LAMA2: variants seen among roughly 807,000 people sequenced by gnomAD.
The protein encoded by LAMA2 is laminin subunit alpha-2.
Under a neutral mutation model 364.8 loss-of-function variants are expected in LAMA2, and 269 were observed. That is an observed-to-expected ratio of 0.74 (90% CI 0.67 to 0.82). The LOEUF (loss-of-function observed/expected upper bound fraction) is 0.82, where lower values mean the gene tolerates loss of function less well. Ranked by LOEUF, LAMA2 falls within the 40% of genes least tolerant of loss-of-function variation. LAMA2 has a pLI of 0.00. For missense variants in LAMA2, 3,807 were observed against 3,873.2 expected, an observed-to-expected ratio of 0.98 and a Z score of 0.45; for synonymous variants, 1,379 against 1,370.6, an observed-to-expected ratio of 1.01 and a Z score of -0.14.
At chr6:129,131,671 T>C (rs1179162431) in intron 4 of LAMA2, among the ~76,000 whole-genome samples, 1 of 152,196 alleles carries the variant, frequency 6.6e-6, no homozygotes. Flanking sequence ...CCTACAAAAC[T>C]AGTAAATAGA....
chr6:129,472,523 G>A (rs1457447966), intron 51 of LAMA2, among the ~76,000 whole-genome samples: 1 of 151,926 alleles, frequency 6.6e-6, no homozygotes, highest in Non-Finnish European at 1.5e-5. Context: ...GAACAGAGAA[G>A]TGCCTCATCT....
chr6:129,066,324 C>T (rs1187322969), intron 3 of LAMA2, among the ~76,000 whole-genome samples: 4 of 151,884 alleles, frequency 2.6e-5, no homozygotes, highest in Non-Finnish European at 5.9e-5. Flanking sequence ...GGATTACAGG[C>T]GTGAGCCACC....
Position 129,271,464 on chromosome 6 carries a change from CTT to C in LAMA2, c.2450+735_2450+736del, listed in dbSNP as rs11287525. Among the ~76,000 whole-genome samples the C allele has an allele frequency of 4.0e-3, 318 of 80,254 alleles. 3 individuals carry two copies. Among genetic ancestry groups the C allele is most frequent in the South Asian group, 0.019 (43 of 2,246 alleles). The allele number at this position is 80,254 out of a possible 152,430, so 52.6% of individuals were successfully genotyped here. On this transcript the variant is annotated intron_variant, in intron 17 of 64. Coordinates refer to ENST00000421865, the MANE Select transcript of LAMA2 (RefSeq NM_000426.4). ...GTTGTTTTGTTTTTAAATTGGGATACTTTTTTTTTTTTTTTTTTTTTTTGAGA... is the reference window on the plus strand; with the variant it reads ...GTTGTTTTGTTTTTAAATTGGGATACTTTTTTTTTTTTTTTTTTTTTGAGA...
chr6:129,473,378 A>G (rs777270253), intron 52 of LAMA2, 26 bp downstream of exon 52: 3 of 1,605,890 alleles, frequency 1.9e-6, no homozygotes, highest in East Asian at 4.5e-5. Flanking sequence ...TGTAAAGCTA[A>G]GGATTAAGTT....
chr6:129,492,278 C>A (rs367799209), intron 57 of LAMA2, 37 bp from the exon 58 acceptor site: 1 of 1,603,410 alleles, frequency 6.2e-7, no homozygotes, highest in South Asian at 1.1e-5. Flanking sequence ...AGCAAAAAAA[C>A]GAAAATAAAA....
intron 3 of LAMA2, among the ~76,000 whole-genome samples, chr6:129,088,010 G>T (rs1292914900): frequency 3.3e-5 from 4 of 122,720 alleles, no homozygotes; most frequent in Non-Finnish European, 5.3e-5. Context: ...GTGAACAAAG[G>T]TCTCTGGTTT....
chr6:128,981,884 T>A (rs1481422449), intron 1 of LAMA2, among the ~76,000 whole-genome samples: 1 of 152,190 alleles, frequency 6.6e-6, no homozygotes. Flanking sequence ...CATTCTCATC[T>A]CTTAATTGCT....
intron 4 of LAMA2, 134 bp from the exon 5 acceptor site, chr6:129,143,767 A>G: frequency 1.5e-6 from 1 of 661,024 alleles, no homozygotes; most frequent in Non-Finnish European, 2.7e-6. Context: ...ATGCCAGTGC[A>G]TAGGCATGTA....
At chr6:129,084,412 T>C (rs149814812) in intron 3 of LAMA2, among the ~76,000 whole-genome samples, 13 of 84,878 alleles carry the variant, frequency 1.5e-4, no homozygotes, top group African/African-American at 4.7e-4. Context: ...ACTTTAAGCA[T>C]GTGATACATT....
At chr6:128,896,065 T>C (rs1412972046) in intron 1 of LAMA2, among the ~76,000 whole-genome samples, 2 of 152,198 alleles carry the variant, frequency 1.3e-5, no homozygotes, top group Non-Finnish European at 2.9e-5. Context: ...TGCTCTGATT[T>C]CAGATGTATA....
At chr6:128,971,722 G>GAGCCTC (rs1250563976) in intron 1 of LAMA2, among the ~76,000 whole-genome samples, 10 of 152,178 alleles carry the variant, frequency 6.6e-5, no homozygotes, top group Non-Finnish European at 1.0e-4. Context: ...CTCTAAAGTT[G>GAGCCTC]AGCCTCAGAC....
chr6:129,200,253 T>TAC (rs369542490), intron 12 of LAMA2, among the ~76,000 whole-genome samples: 4,348 of 92,136 alleles, frequency 0.047, 918 homozygotes, highest in African/African-American at 0.083. Context: ...TGTATATATA[T>TAC]ACGTGTACAC....
intron 1 of LAMA2, among the ~76,000 whole-genome samples, chr6:128,934,663 A>G (rs988236051): frequency 4.6e-5 from 7 of 151,870 alleles, no homozygotes; most frequent in Admixed American, 3.3e-4. Flanking sequence ...CACCATGCCC[A>G]GCCAATTTTA....
At chr6:129,245,793 A>G (rs1033108161) in intron 12 of LAMA2, among the ~76,000 whole-genome samples, 2 of 152,186 alleles carry the variant, frequency 1.3e-5, no homozygotes, top group Non-Finnish European at 2.9e-5. Flanking sequence ...TAAACAAACA[A>G]AGAAAATAAG....
In LAMA2 at chr6:129,476,614, T is replaced by C. The variant is rs551319015; in HGVS notation, c.7451+1213T>C. On this transcript the variant is annotated intron_variant, in intron 53 of 64. Coordinates refer to ENST00000421865, the MANE Select transcript of LAMA2 (RefSeq NM_000426.4). ...TGTGTTTCCATGAAACAATAAACTATATAACTTGTAGGAGTGATTTACTTT... is the reference window on the plus strand; with the variant it reads ...TGTGTTTCCATGAAACAATAAACTACATAACTTGTAGGAGTGATTTACTTT... Among the ~76,000 whole-genome samples, 10 of 152,304 alleles carry C rather than the reference T, an allele frequency of 6.6e-5. No individual in the cohort carries two copies. The South Asian group carries it at 1.2e-3, about 19-fold the overall frequency.
chr6:129,486,827 C>T (rs1370318499), intron 56 of LAMA2, among the ~76,000 whole-genome samples: 4 of 152,090 alleles, frequency 2.6e-5, no homozygotes, highest in African/African-American at 2.4e-5. Context: ...CTACCCTTAA[C>T]ATTTTTATTC....
chr6:129,039,155 C>G lies in LAMA2; in HGVS notation c.113-10763C>G, dbSNP rs191718206. Among the ~76,000 whole-genome samples, 401 of 152,086 alleles carry G rather than the reference C, an allele frequency of 2.6e-3. 3 individuals carry two copies. Among genetic ancestry groups the G allele is most frequent in the African/African-American group, 8.8e-3 (366 of 41,470 alleles). ...CTAAAGTTACAGTATGATGAGGGTT[C>G]TACTAAATATCAACTAAGTAATATA... On this transcript the variant is annotated intron_variant, in intron 1 of 64. Transcript: ENST00000421865.
At chr6:129,027,925 T>C (rs909617993) in intron 1 of LAMA2, among the ~76,000 whole-genome samples, 19 of 151,968 alleles carry the variant, frequency 1.3e-4, no homozygotes, top group Non-Finnish European at 2.1e-4. Context: ...TATTTATGTT[T>C]ACTCTAAAAG....
chr6:128,890,396 T>C (rs932773049), intron 1 of LAMA2, among the ~76,000 whole-genome samples: 1 of 152,130 alleles, frequency 6.6e-6, no homozygotes, highest in Non-Finnish European at 1.5e-5. Flanking sequence ...TTTTGGACTT[T>C]TATATATTTA....
Sources: allele counts gnomAD v4.1 joint callset (sites outside exome capture counted in the v4.1 genomes callset), GRCh38; gene constraint gnomAD v4.1.1; transcripts MANE v1.5; gene names NCBI Gene and HGNC (gene_info 2026-07-23, HGNC 2026-07-21).